WNT6: variants seen among roughly 807,000 people sequenced by gnomAD.
The protein encoded by WNT6 is Wnt family member 6, also known as protein Wnt-6.
WNT6 carries 27 observed loss-of-function variants against 33.1 expected under a neutral mutation model. The observed-to-expected ratio is 0.82, with a 90% confidence interval of 0.60 to 1.12. The LOEUF (loss-of-function observed/expected upper bound fraction) is 1.12. WNT6 is among the 50% of genes most tolerant of loss of function. The pLI is 0.00. For synonymous variants in WNT6, 249 were observed against 242.8 expected (o/e 1.03, Z -0.24); for missense variants, 494 against 535.3 (o/e 0.92, Z 0.76).
Position 218,873,540 on chromosome 2 carries a change from G to C in WNT6, c.793G>C (p.Asp265His), listed in dbSNP as rs1255878884. 6.5e-7 allele frequency: 1 copy of C among 1,537,982 alleles called. No individual in the cohort carries two copies. The highest frequency in any genetic ancestry group is 8.7e-7 in the Non-Finnish European group (1 of 1,146,194). The change falls in exon 4 of 4, where the codon GAC becomes CAC. Residue 265 changes from aspartate (D) to histidine (H), a missense_variant. Transcript: ENST00000233948. The surrounding 1 kb of genome is among the most constrained non-coding windows in gnomAD (Gnocchi z 6.1). ...CGCCTCACGCGTCATGGGCACCAACGACGGCAAGGCCCTGCTGCCCGCCGT... is the reference window on the plus strand; with the variant it reads ...CGCCTCACGCGTCATGGGCACCAACCACGGCAAGGCCCTGCTGCCCGCCGT... Reference protein sequence around the residue: ...HGASRVMGTNDGKALLPAVRT... With the variant: ...HGASRVMGTNHGKALLPAVRT...
At position 218,867,685 on chromosome 2, in the gene WNT6, C is replaced by T. The variant is rs1321046785; in HGVS notation, c.81-3342C>T. Among the ~76,000 whole-genome samples the T allele has an allele frequency of 6.6e-6, 1 of 152,222 alleles. No individual in the cohort carries two copies. Among genetic ancestry groups the T allele is most frequent in the African/African-American group, 2.4e-5 (1 of 41,458 alleles). ...TACCACTGTGCTTCAGGCCCCAAAA[C>T]ATGCAAATTCTCCCAAAGGAGCACA... On this transcript the variant is annotated intron_variant, in intron 1 of 3. Transcript: ENST00000233948. This position sits in a 1 kb window ranked among gnomAD's most constrained non-coding sequence, Gnocchi z 4.9.
chr2:218,865,742 G>A (rs905928265), intron 1 of WNT6, among the ~76,000 whole-genome samples: 1 of 152,164 alleles, frequency 6.6e-6, no homozygotes, highest in Non-Finnish European at 1.5e-5. Context: ...TGGGCGAGCA[G>A]AGGGCCCAGG....
In WNT6 at chr2:218,871,060, C is replaced by T. The variant is rs774615555; in HGVS notation, c.114C>T (p.Thr38=). 3.3e-5 allele frequency: 53 copies of T among 1,613,292 alleles called. No individual in the cohort carries two copies. The highest frequency in any genetic ancestry group is 4.4e-5 in the Non-Finnish European group (52 of 1,179,546). The change falls in exon 2 of 4, where the codon ACC becomes ACT. Residue 38 remains threonine, a synonymous_variant. Transcript: ENST00000233948. This position sits in a 1 kb window ranked among gnomAD's most constrained non-coding sequence, Gnocchi z 6.4. ...GCAGCCCCTTGGTTATGGACCCTAC[C>T]AGCATCTGCAGGAAGGCACGGCGGC... The part of the protein sequence containing the change: ...AVGSPLVMDP[T]SICRKARRLA...
chr2:218,861,488 G>A (rs1575222316), intron 1 of WNT6, among the ~76,000 whole-genome samples: 1 of 152,156 alleles, frequency 6.6e-6, no homozygotes, highest in East Asian at 1.9e-4. Flanking sequence ...TAGGTGGGAG[G>A]ACGTGTAGAA....
intron 1 of WNT6, among the ~76,000 whole-genome samples, chr2:218,865,300 C>G (rs571706460): frequency 1.4e-3 from 213 of 152,290 alleles, no homozygotes; most frequent in Non-Finnish European, 2.7e-3. Flanking sequence ...GTGAAAGCAC[C>G]CCCAGCCTGC....
rs1944429745 is a variant in WNT6 at position 218,873,795 on chromosome 2, G to A, written c.1048G>A (p.Val350Ile). ...CLCRFHWCCV[V>I]QCHRCRVRKE... ...GTGCCGCTTCCACTGGTGCTGCGTA[G>A]TACAGTGCCACCGCTGCCGTGTGCG... Residue 350 changes from valine (V) to isoleucine (I), a missense_variant, in exon 4 of 4, where the codon GTA (valine) becomes ATA (isoleucine). Transcript: ENST00000233948. The surrounding 1 kb of genome is among the most constrained non-coding windows in gnomAD (Gnocchi z 6.1). 4 of 1,567,586 alleles carry A rather than the reference G, an allele frequency of 2.6e-6. No homozygotes were observed. The highest frequency in any genetic ancestry group is 3.4e-6 in the Non-Finnish European group (4 of 1,162,824).
At position 218,871,009 on chromosome 2, in the gene WNT6, C is replaced by A. The variant is rs200975565; in HGVS notation, c.81-18C>A. 2.8e-5 allele frequency: 44 copies of A among 1,585,666 alleles called. No individual in the cohort carries two copies. In the Admixed American group the frequency reaches 7.3e-4, roughly 26 times the overall value. On this transcript the variant is annotated intron_variant, in intron 1 of 3. Coordinates refer to ENST00000233948, the MANE Select transcript of WNT6 (RefSeq NM_006522.4). This position sits in a 1 kb window ranked among gnomAD's most constrained non-coding sequence, Gnocchi z 6.4. ...TTTTTTGGGTTACACCCCTGACCTG[C>A]TATTCTCTGCTTTCCAGGGCTGTGG... is the stretch of plus-strand genomic sequence containing the variant.
Position 218,871,489 on chromosome 2 carries a change from T to A in WNT6, c.306T>A (p.Ile102=), listed in dbSNP as rs1419938350. ...KAFGRILQQD[I]RETAFVFAIT... ...TGCACCTGTCTGCATTCACAGACAT[T>A]CGGGAGACGGCCTTCGTGTTCGCCA... is the stretch of plus-strand genomic sequence containing the variant. Residue 102 remains isoleucine, a synonymous_variant, in exon 3 of 4, where the codon ATT becomes ATA. Transcript: ENST00000233948. This position sits in a 1 kb window ranked among gnomAD's most constrained non-coding sequence, Gnocchi z 6.4. 6.3e-7 allele frequency: 1 copy of A among 1,597,558 alleles called. No homozygotes were observed. The highest frequency in any genetic ancestry group is 1.1e-5 in the South Asian group (1 of 90,978).
At chr2:218,864,243 CTGT>C (rs1944334380) in intron 1 of WNT6, among the ~76,000 whole-genome samples, 1 of 152,120 alleles carries the variant, frequency 6.6e-6, no homozygotes, top group Non-Finnish European at 1.5e-5. Flanking sequence ...CCTCTTTCCT[CTGT>C]TTTTTTCTTT....
chr2:218,861,135 C>T (rs1416890737), intron 1 of WNT6, among the ~76,000 whole-genome samples: 1 of 152,190 alleles, frequency 6.6e-6, no homozygotes, highest in African/African-American at 2.4e-5. Flanking sequence ...TCCTCCCTCG[C>T]CCCCCAGATT....
chr2:218,871,041 C>T lies in WNT6; in HGVS notation c.95C>T (p.Pro32Leu), dbSNP rs1181153824. ...VGGLWWAVGS[P>L]LVMDPTSICR... is the part of the protein sequence containing the mutation. ...CTGCTTTCCAGGGCTGTGGGCAGCC[C>T]CTTGGTTATGGACCCTACCAGCATC... The change falls in exon 2 of 4, where the codon CCC becomes CTC. Residue 32 changes from proline to leucine, a missense_variant. Pro to Leu is a moderately conservative substitution (Grantham distance 98). Coordinates refer to ENST00000233948, the MANE Select transcript of WNT6 (RefSeq NM_006522.4). The surrounding 1 kb of genome is among the most constrained non-coding windows in gnomAD (Gnocchi z 6.4). 1 of 1,609,636 alleles carries T rather than the reference C, an allele frequency of 6.2e-7. No homozygotes were observed. Among genetic ancestry groups the T allele is most frequent in the East Asian group, 2.2e-5 (1 of 44,714 alleles).
chr2:218,860,980 G>T (rs1944302993), intron 1 of WNT6, among the ~76,000 whole-genome samples: 1 of 152,186 alleles, frequency 6.6e-6, no homozygotes, highest in Admixed American at 6.5e-5. Flanking sequence ...TAGGTCTCCA[G>T]AGCCGCAAAC....
intron 1 of WNT6, among the ~76,000 whole-genome samples, chr2:218,866,071 C>T (rs1054907497): frequency 1.5e-3 from 6 of 3,904 alleles, no homozygotes; most frequent in African/African-American, 5.0e-3. Context: ...GACAGGCGGG[C>T]GGGCACAGGC....
chr2:218,860,240 C>T (rs962784878), intron 1 of WNT6, 123 bp downstream of exon 1: 14 of 976,438 alleles, frequency 1.4e-5, no homozygotes, highest in Non-Finnish European at 1.9e-5. Context: ...GCTTTCTGGC[C>T]TCGGCCGGGG....
Position 218,873,390 on chromosome 2 carries a change from C to A in WNT6, c.643C>A (p.Arg215=), listed in dbSNP as rs542982949. The A allele has an allele frequency of 1.3e-6, 2 of 1,534,802 alleles. No homozygotes were observed. Among genetic ancestry groups the A allele is most frequent in the African/African-American group, 1.4e-5 (1 of 72,842 alleles). ...HNNEAGRLAV[R]SHTRTECKCH... ...GCCCCTCTGCCTCCCGCAGGCCGTGCGGAGCCACACGCGCACCGAGTGCAA... is the reference window on the plus strand; with the variant it reads ...GCCCCTCTGCCTCCCGCAGGCCGTGAGGAGCCACACGCGCACCGAGTGCAA... Residue 215 remains arginine (R), a synonymous_variant, in exon 4 of 4, where the codon CGG becomes AGG. Coordinates refer to ENST00000233948, the MANE Select transcript of WNT6 (RefSeq NM_006522.4). This position sits in a 1 kb window ranked among gnomAD's most constrained non-coding sequence, Gnocchi z 6.1.
chr2:218,860,408 A>G (rs1944297796), intron 1 of WNT6, among the ~76,000 whole-genome samples: 1 of 152,170 alleles, frequency 6.6e-6, no homozygotes, highest in Non-Finnish European at 1.5e-5. Flanking sequence ...GAAGACACAT[A>G]TCCGAGGAAA....
At position 218,873,669 on chromosome 2, in the gene WNT6, C is replaced by T. The variant is rs1421733507; in HGVS notation, c.922C>T (p.Arg308Cys). ...RRTGSPGTRGRACNSSAPDLS... is the reference protein window; with the variant it reads ...RRTGSPGTRGCACNSSAPDLS... Reference sequence around the variant, plus strand: ...CACCGGCTCCCCCGGCACGCGCGGTCGCGCCTGCAATAGCAGCGCCCCGGA... The same window carrying T: ...CACCGGCTCCCCCGGCACGCGCGGTTGCGCCTGCAATAGCAGCGCCCCGGA... Residue 308 changes from arginine to cysteine, a missense_variant, in exon 4 of 4, where the codon CGC (arginine) becomes TGC (cysteine). Transcript: ENST00000233948. This position sits in a 1 kb window ranked among gnomAD's most constrained non-coding sequence, Gnocchi z 6.1. 1.3e-6 allele frequency: 2 copies of T among 1,582,440 alleles called. No homozygotes were observed. Among genetic ancestry groups the T allele is most frequent in the Admixed American group, 3.4e-5 (2 of 59,066 alleles).
intron 1 of WNT6, among the ~76,000 whole-genome samples, chr2:218,864,467 A>G (rs1270255430): frequency 6.6e-6 from 1 of 152,008 alleles, no homozygotes; most frequent in East Asian, 1.9e-4. Flanking sequence ...GGGTTTCACC[A>G]TGTTGGCCAG....
Position 218,873,171 on chromosome 2 carries a change from A to G in WNT6, c.637-213A>G, listed in dbSNP as rs973154305. 2.0e-5 allele frequency among the ~76,000 whole-genome samples: 3 copies of G among 151,086 alleles called. No homozygotes were observed. Among genetic ancestry groups the G allele is most frequent in the African/African-American group, 7.3e-5 (3 of 41,060 alleles). On this transcript the variant is annotated intron_variant, in intron 3 of 3. Transcript: ENST00000233948. This position sits in a 1 kb window ranked among gnomAD's most constrained non-coding sequence, Gnocchi z 6.1. ...GTCCCCGTCTCCCCTCTTCGTCATC[A>G]TCATATTCCTCCATCCTCACCATTC...
Sources: gnomAD v4.1 joint callset for allele counts (sites outside exome capture counted in the v4.1 genomes callset) on GRCh38, gnomAD v4.1.1 for gene constraint, Gnocchi (gnomAD v3.1) non-coding constraint, MANE v1.5 for transcripts, NCBI Gene and HGNC (gene_info 2026-07-23, HGNC 2026-07-21) for gene names.